Variants in PRKAR1A observed in about 807,000 individuals in gnomAD.
PRKAR1A encodes protein kinase cAMP-dependent type I regulatory subunit alpha, also known as cAMP-dependent protein kinase type I-alpha regulatory subunit.
A neutral mutation model predicts 52.0 loss-of-function variants in PRKAR1A; 3 were observed. The ratio of observed to expected loss-of-function variants is 0.06; its 90% CI spans 0.03 to 0.15. The LOEUF (loss-of-function observed/expected upper bound fraction) is 0.15. Ranked by LOEUF, PRKAR1A falls within the 10% of genes least tolerant of loss-of-function variation. The pLI, the probability that PRKAR1A is intolerant of heterozygous loss-of-function variation, is 1.00. For synonymous variants in PRKAR1A, 188 were observed against 168.4 expected, an observed-to-expected ratio of 1.12 and a Z score of -0.90; for missense variants, 240 against 477.4, an observed-to-expected ratio of 0.50 and a Z score of 4.63.
chr17:68,482,492 A>T, the PRKAR1A span, among the ~76,000 whole-genome samples: 116,626 of 152,158 alleles, frequency 0.77, 45,208 homozygotes, highest in African/African-American at 0.83. Flanking sequence ...TAAGGAAGCA[A>T]TCACTAGCTT....
chr17:68,539,254 G>A (rs1330957245), intron 11 of PRKAR1A: 1 of 1,394,426 alleles, frequency 7.2e-7, no homozygotes. Flanking sequence ...GTGAAAACTG[G>A]AAGCCCTTCA....
chr17:68,502,646 G>A, the PRKAR1A span, among the ~76,000 whole-genome samples: 6 of 151,832 alleles, frequency 4.0e-5, no homozygotes, highest in African/African-American at 1.2e-4. Context: ...CAGCTATTTA[G>A]GAGGCTGAGG....
chr17:68,489,134 G>C, the PRKAR1A span, among the ~76,000 whole-genome samples: 1 of 138,634 alleles, frequency 7.2e-6, no homozygotes, highest in Middle Eastern at 3.8e-3. Flanking sequence ...GCTTTCCTAG[G>C]AGAAATAGGA....
chr17:68,462,651 T>C, the PRKAR1A span, among the ~76,000 whole-genome samples: 1 of 152,164 alleles, frequency 6.6e-6, no homozygotes, highest in Admixed American at 6.5e-5. Flanking sequence ...AGGACAGTTT[T>C]TGATGCAGGT....
At chr17:68,428,907 G>A in the PRKAR1A span, 14 of 1,613,898 alleles carry the variant, frequency 8.7e-6, no homozygotes, top group Middle Eastern at 1.6e-4. Context: ...ACTGGATGAC[G>A]CAACTAGCAG....
chr17:68,455,438 A>T, the PRKAR1A span, among the ~76,000 whole-genome samples: 5 of 152,100 alleles, frequency 3.3e-5, no homozygotes, highest in Admixed American at 2.6e-4. Flanking sequence ...GGGGACTGGT[A>T]AGGGTTTGCT....
chr17:68,521,231 T>G (rs2085596390), intron 2 of PRKAR1A, among the ~76,000 whole-genome samples: 1 of 152,150 alleles, frequency 6.6e-6, no homozygotes, highest in Non-Finnish European at 1.5e-5. Context: ...TGAGCCACCA[T>G]GCCTGGCCTA....
At chr17:68,488,581 A>G in the PRKAR1A span, among the ~76,000 whole-genome samples, 1 of 151,938 alleles carries the variant, frequency 6.6e-6, no homozygotes. Flanking sequence ...TACAAAAAAA[A>G]TTATCTGGAT....
chr17:68,546,602 G>T (rs976895867), intron 11 of PRKAR1A, among the ~76,000 whole-genome samples: 1 of 151,146 alleles, frequency 6.6e-6, no homozygotes, highest in Admixed American at 6.6e-5. Flanking sequence ...AGGCCGAGGC[G>T]GGCGGATCAC....
At chr17:68,497,327 T>C in the PRKAR1A span, among the ~76,000 whole-genome samples, 1 of 152,100 alleles carries the variant, frequency 6.6e-6, no homozygotes, top group Non-Finnish European at 1.5e-5. Context: ...GGCCACAAAG[T>C]CTAAAATAAT....
the PRKAR1A span, among the ~76,000 whole-genome samples, chr17:68,476,670 TTCTC>T: frequency 4.6e-5 from 7 of 151,040 alleles, no homozygotes; most frequent in Admixed American, 6.6e-5. Context: ...CTCTCTCTCT[TTCTC>T]TCTTTCTTTC....
intron 6 of PRKAR1A, 125 bp downstream of exon 6, chr17:68,525,083 C>CT (rs2085745413): frequency 1.3e-6 from 1 of 784,374 alleles, no homozygotes; most frequent in Admixed American, 2.3e-5. Flanking sequence ...TTATTAATAC[C>CT]TTTTGCCAAG....
the PRKAR1A span, among the ~76,000 whole-genome samples, chr17:68,475,082 A>C: frequency 6.6e-6 from 1 of 152,220 alleles, no homozygotes; most frequent in Non-Finnish European, 1.5e-5. Flanking sequence ...ATCGATAAAG[A>C]GGGAAAATAT....
At chr17:68,480,146 AT>A in the PRKAR1A span, among the ~76,000 whole-genome samples, 3 of 152,276 alleles carry the variant, frequency 2.0e-5, no homozygotes, top group Non-Finnish European at 4.4e-5. Flanking sequence ...CTTGAAAAAA[AT>A]ATAGCAGTTC....
the PRKAR1A span, among the ~76,000 whole-genome samples, chr17:68,470,160 G>T: frequency 6.6e-6 from 1 of 150,680 alleles, no homozygotes; most frequent in Non-Finnish European, 1.5e-5. Flanking sequence ...TCGGCTCACT[G>T]CAACCTCCAT....
the PRKAR1A span, chr17:68,436,516 C>T: frequency 4.4e-6 from 7 of 1,594,916 alleles, no homozygotes; most frequent in East Asian, 1.1e-4. Context: ...AAGCCTGGGG[C>T]CAAGGGAGAG....
upstream of PRKAR1A, chr17:68,512,252 T>A (rs1340842880): frequency 2.6e-5 from 4 of 152,568 alleles, no homozygotes; most frequent in African/African-American, 9.7e-5. Context: ...ACGAGTAAGA[T>A]GGAAAGAATG....
intron 2 of PRKAR1A, among the ~76,000 whole-genome samples, chr17:68,520,405 C>G (rs1273992150): frequency 6.6e-6 from 1 of 152,170 alleles, no homozygotes; most frequent in Non-Finnish European, 1.5e-5. Flanking sequence ...ATTTGAACCT[C>G]AGAGTCAAGA....
chr17:68,539,131 T>G (rs974006270), intron 11 of PRKAR1A, among the ~76,000 whole-genome samples: 5 of 152,208 alleles, frequency 3.3e-5, no homozygotes, highest in African/African-American at 1.2e-4. Flanking sequence ...TTATTAATCT[T>G]ATGAGACCAC....
Sources: allele counts gnomAD v4.1 joint callset (sites outside exome capture counted in the v4.1 genomes callset), GRCh38; gene constraint gnomAD v4.1.1; transcripts MANE v1.5; gene names NCBI Gene and HGNC (gene_info 2026-07-23, HGNC 2026-07-21).